Variants in PFDN4 observed in about 807,000 individuals in gnomAD.
PFDN4 encodes the protein prefoldin 4.
Under a neutral mutation model 17.6 loss-of-function variants are expected in PFDN4, and 6 were observed. That is an observed-to-expected ratio of 0.34 (90% CI 0.19 to 0.67). The LOEUF is 0.67. Ranked by LOEUF, PFDN4 falls within the 30% of genes least tolerant of loss-of-function variation. PFDN4 has a pLI of 0.68. For synonymous variants in PFDN4, 48 were observed against 51.1 expected (o/e 0.94, Z 0.26); for missense variants, 119 against 158.4 (o/e 0.75, Z 1.33).
intron 3 of PFDN4, among the ~76,000 whole-genome samples, chr20:54,217,343 C>T (rs141856516): frequency 7.8e-4 from 119 of 152,150 alleles, no homozygotes; most frequent in African/African-American, 2.6e-3. Flanking sequence ...CATAGGATGA[C>T]GGTGGTGCAA....
intron 3 of PFDN4, among the ~76,000 whole-genome samples, chr20:54,216,078 C>G (rs2092762086): frequency 6.6e-6 from 1 of 152,186 alleles, no homozygotes; most frequent in Non-Finnish European, 1.5e-5. Context: ...CAATATTTTG[C>G]TGTACTAATG....
intron 3 of PFDN4, among the ~76,000 whole-genome samples, chr20:54,216,450 A>G (rs905598150): frequency 2.6e-5 from 4 of 152,216 alleles, no homozygotes; most frequent in African/African-American, 9.6e-5. Context: ...GGGTCTTTCC[A>G]TGCATAAATC....
At position 54,215,416 on chromosome 20, in the gene PFDN4, G is replaced by A. The variant is rs76841395; in HGVS notation, c.249G>A (p.Thr83=). Reference sequence around the variant, plus strand: ...TCATTAGCCATTCTCAAGAAGAAACGCAAGAAATGTTAGAAGAAGCAAAGG... The same window carrying A: ...TCATTAGCCATTCTCAAGAAGAAACACAAGAAATGTTAGAAGAAGCAAAGG... ...DVFISHSQEE[T]QEMLEEAKKN... The change falls in exon 3 of 4, where the codon ACG becomes ACA. Residue 83 remains threonine (T), a synonymous_variant. Transcript: ENST00000371419. 2,665 of 1,600,660 alleles carry A rather than the reference G, an allele frequency of 1.7e-3. 37 individuals are homozygous for A. The African/African-American group carries it at 0.031, about 19-fold the overall frequency.
At chr20:54,210,619 AT>A (rs1397329352) in intron 1 of PFDN4, among the ~76,000 whole-genome samples, 1 of 152,092 alleles carries the variant, frequency 6.6e-6, no homozygotes, top group Admixed American at 6.5e-5. Flanking sequence ...CTGCACTTTG[AT>A]TTCTGTTCAT....
intron 1 of PFDN4, among the ~76,000 whole-genome samples, chr20:54,212,399 G>GAA (rs1416189814): frequency 3.3e-5 from 5 of 152,142 alleles, no homozygotes; most frequent in African/African-American, 2.4e-5. Context: ...ACCCCAGTGG[G>GAA]AAAACCACTG....
chr20:54,218,350 A>G (rs1207271668), intron 3 of PFDN4, among the ~76,000 whole-genome samples: 6 of 152,080 alleles, frequency 3.9e-5, no homozygotes, highest in African/African-American at 1.4e-4. Flanking sequence ...TTAATTATAA[A>G]TTGACAATTT....
At chr20:54,210,876 C>T (rs80291173) in intron 1 of PFDN4, among the ~76,000 whole-genome samples, 7,280 of 152,130 alleles carry the variant, frequency 0.048, 219 homozygotes, top group African/African-American at 0.082. Context: ...CAGTGCATGG[C>T]GTATAGGAAA....
chr20:54,210,184 G>T (rs1251731685), intron 1 of PFDN4, among the ~76,000 whole-genome samples: 1 of 152,200 alleles, frequency 6.6e-6, no homozygotes, highest in Non-Finnish European at 1.5e-5. Context: ...GATAATCAGG[G>T]GAAGAGAGTT....
chr20:54,208,663 A>ATCC (rs2092751559), intron 1 of PFDN4: 1 of 152,184 alleles, frequency 6.6e-6, no homozygotes, highest in African/African-American at 2.4e-5. Context: ...GGCCCCAGAG[A>ATCC]CCCTGTGTCC....
chr20:54,211,521 A>T (rs1015396064), intron 1 of PFDN4, among the ~76,000 whole-genome samples: 1 of 152,220 alleles, frequency 6.6e-6, no homozygotes, highest in Non-Finnish European at 1.5e-5. Context: ...TATCAACCCT[A>T]TAAGGTAGGA....
intron 1 of PFDN4, chr20:54,209,061 T>G (rs1388177269): frequency 6.6e-6 from 1 of 152,242 alleles, no homozygotes; most frequent in African/African-American, 2.4e-5. Context: ...GGGAAGGAGA[T>G]AACGGCTGAT....
chr20:54,215,211 C>T, intron 2 of PFDN4, 89 bp from the exon 3 acceptor site: 2 of 873,256 alleles, frequency 2.3e-6, no homozygotes, highest in Non-Finnish European at 3.6e-6. Context: ...GAGGGTCCCT[C>T]AGAGAGTTGC....
chr20:54,216,925 T>C (rs2092763307), intron 3 of PFDN4, among the ~76,000 whole-genome samples: 1 of 152,112 alleles, frequency 6.6e-6, no homozygotes, highest in African/African-American at 2.4e-5. Flanking sequence ...CCTCCCAAAG[T>C]GCTGGGATTA....
intron 1 of PFDN4, among the ~76,000 whole-genome samples, chr20:54,213,369 C>T (rs6127139): frequency 6.6e-6 from 1 of 152,136 alleles, no homozygotes; most frequent in African/African-American, 2.4e-5. Context: ...AGCAGACATC[C>T]TGCTGCCTCT....
Position 54,214,335 on chromosome 20 carries a change from T to C in PFDN4, c.25-16T>C, listed in dbSNP as rs1568676376. 6.9e-7 allele frequency: 1 copy of C among 1,441,798 alleles called. No individual in the cohort carries two copies. The highest frequency in any genetic ancestry group is 9.6e-7 in the Non-Finnish European group (1 of 1,042,380). 89.3% of individuals were successfully genotyped at this position (1,441,798 alleles called of 1,614,324 possible). A position where few individuals can be genotyped will look rare whatever the true frequency, so the allele number is the denominator to read the frequency against. On this transcript the variant is annotated splice_polypyrimidine_tract_variant and intron_variant, in intron 1 of 3. Transcript: ENST00000371419. ...TCTCCGTTAAAATTTTACAAAAACT[T>C]AAACACTTCTTTCAGGCTGCAGAAG...
intron 1 of PFDN4, among the ~76,000 whole-genome samples, chr20:54,212,084 T>G (rs1287646997): frequency 1.3e-5 from 2 of 151,954 alleles, no homozygotes; most frequent in Non-Finnish European, 2.9e-5. Context: ...TCTCAGCTAC[T>G]TGGGAGGCTG....
chr20:54,214,359 A>C lies in PFDN4; in HGVS notation c.33A>C (p.Glu11Asp). MAATMKKAAA[E>D]DVNVTFEDQQ... ...TTAAACACTTCTTTCAGGCTGCAGA[A>C]GATGTCAATGTTACTTTCGAAGATC... The change falls in exon 2 of 4, where the codon GAA becomes GAC. Residue 11 changes from glutamate (E) to aspartate (D), a missense_variant. Transcript: ENST00000371419. 6.4e-7 allele frequency: 1 copy of C among 1,569,162 alleles called. No individual in the cohort carries two copies. The highest frequency in any genetic ancestry group is 8.7e-7 in the Non-Finnish European group (1 of 1,147,480).
At chr20:54,217,062 C>T (rs556965023) in intron 3 of PFDN4, among the ~76,000 whole-genome samples, 1 of 152,092 alleles carries the variant, frequency 6.6e-6, no homozygotes, top group Non-Finnish European at 1.5e-5. Context: ...GACAACAAAA[C>T]CTGCCTGGCC....
chr20:54,213,879 G>A (rs1331716908), intron 1 of PFDN4, among the ~76,000 whole-genome samples: 2 of 151,948 alleles, frequency 1.3e-5, no homozygotes, highest in East Asian at 1.9e-4. Flanking sequence ...TGCTGTGAAT[G>A]GAATAGAGCC....
Sources: allele counts gnomAD v4.1 joint callset (sites outside exome capture counted in the v4.1 genomes callset), GRCh38; gene constraint gnomAD v4.1.1; transcripts MANE v1.5; gene names NCBI Gene and HGNC (gene_info 2026-07-23, HGNC 2026-07-21).